TDRD12: variants seen among roughly 807,000 people sequenced by gnomAD.
The protein encoded by TDRD12 is putative ATP-dependent RNA helicase TDRD12.
TDRD12 carries 158 observed loss-of-function variants against 133.5 expected under a neutral mutation model. The ratio of observed to expected loss-of-function variants is 1.18; its 90% CI spans 1.04 to 1.35. The LOEUF is 1.35. TDRD12 is among the 40% of genes most tolerant of loss of function. The pLI, the probability that TDRD12 is intolerant of heterozygous loss-of-function variation, is 0.00. For missense variants in TDRD12, 1,443 were observed against 1,321.3 expected (o/e 1.09, Z -1.43); for synonymous variants, 460 against 477.9 (o/e 0.96, Z 0.49).
intron 21 of TDRD12, among the ~76,000 whole-genome samples, chr19:32,806,143 G>A (rs1971541649): frequency 6.6e-6 from 1 of 152,182 alleles, no homozygotes; most frequent in Non-Finnish European, 1.5e-5. Flanking sequence ...TACCTTGACA[G>A]TCATGGGGCT....
intron 6 of TDRD12, among the ~76,000 whole-genome samples, chr19:32,754,339 T>C (rs1047731799): frequency 6.6e-6 from 1 of 152,014 alleles, no homozygotes; most frequent in Admixed American, 6.6e-5. Flanking sequence ...TGTGATGGCT[T>C]GCACCTGTAG....
In TDRD12 at chr19:32,748,549, C is replaced by G; in HGVS notation, c.496+18C>G. ...TCTGAAAGGTAAGCCAGTGCCTGATCACTGCAGCCTGCCTGGAAGTGACAC... is the reference window on the plus strand; with the variant it reads ...TCTGAAAGGTAAGCCAGTGCCTGATGACTGCAGCCTGCCTGGAAGTGACAC... On this transcript the variant is annotated intron_variant, in intron 5 of 27. Transcript: ENST00000444215. 1 of 1,548,234 alleles carries G rather than the reference C, an allele frequency of 6.5e-7. No individual in the cohort carries two copies. Among genetic ancestry groups the G allele is most frequent in the Non-Finnish European group, 8.7e-7 (1 of 1,145,068 alleles).
At chr19:32,810,575 A>G (rs1435412920) in intron 23 of TDRD12, among the ~76,000 whole-genome samples, 1 of 152,240 alleles carries the variant, frequency 6.6e-6, no homozygotes, top group East Asian at 1.9e-4. Context: ...TTCTACAGAT[A>G]AGAAAACAGC....
At position 32,802,833 on chromosome 19, in the gene TDRD12, C is replaced by G. The variant is rs150865750; in HGVS notation, c.2331+44C>G. ...CTCTTCCATATTCCACTGGCATCTTCTGTGTCATGATAAGCTCAGAGTCCA... is the reference window on the plus strand; with the variant it reads ...CTCTTCCATATTCCACTGGCATCTTGTGTGTCATGATAAGCTCAGAGTCCA... On this transcript the variant is annotated intron_variant, in intron 20 of 27. Transcript: ENST00000444215. 1.5e-4 allele frequency: 232 copies of G among 1,534,828 alleles called. No homozygotes were observed. In the African/African-American group the frequency reaches 3.1e-3, roughly 20 times the overall value.
intron 25 of TDRD12, among the ~76,000 whole-genome samples, chr19:32,815,132 A>G (rs1003278521): frequency 4.6e-5 from 7 of 152,064 alleles, no homozygotes; most frequent in African/African-American, 9.7e-5. Flanking sequence ...TGTACGAATT[A>G]TGCATCTGAC....
At chr19:32,750,158 A>G (rs1002906304) in intron 6 of TDRD12, among the ~76,000 whole-genome samples, 1 of 152,140 alleles carries the variant, frequency 6.6e-6, no homozygotes, top group Admixed American at 6.5e-5. Flanking sequence ...TAAATATACT[A>G]ATTTGCTGTA....
exon 10 of TDRD12, chr19:32,828,125 C>T (rs1967650328): frequency 6.6e-6 from 1 of 152,128 alleles, no homozygotes; most frequent in Admixed American, 6.5e-5. Flanking sequence ...AGTGATAGCT[C>T]CTCAGAGTAA....
intron 8 of TDRD12, among the ~76,000 whole-genome samples, chr19:32,757,433 T>C (rs940026152): frequency 1.3e-5 from 2 of 152,200 alleles, no homozygotes; most frequent in African/African-American, 4.8e-5. Context: ...GTATTTATTA[T>C]TGATTTTTCA....
At chr19:32,808,259 G>T (rs1351461525) in intron 22 of TDRD12, among the ~76,000 whole-genome samples, 2 of 151,960 alleles carry the variant, frequency 1.3e-5, no homozygotes, top group Non-Finnish European at 2.9e-5. Context: ...CCTTTCATCT[G>T]TTTCCCTTAG....
intron 8 of TDRD12, among the ~76,000 whole-genome samples, chr19:32,770,121 C>T (rs1163249829): frequency 1.3e-5 from 2 of 151,958 alleles, no homozygotes; most frequent in Non-Finnish European, 2.9e-5. Context: ...ATTCTCCCAC[C>T]TCAGCCTCCC....
intron 17 of TDRD12, 123 bp downstream of exon 17, chr19:32,800,481 T>C: frequency 1.0e-6 from 1 of 988,220 alleles, no homozygotes; most frequent in Non-Finnish European, 1.4e-6. Context: ...ACAGCTTTGA[T>C]TTCATATATA....
At chr19:32,816,414 T>C (rs775874195) in intron 26 of TDRD12, among the ~76,000 whole-genome samples, 20 of 152,302 alleles carry the variant, frequency 1.3e-4, no homozygotes, top group Non-Finnish European at 2.5e-4. Flanking sequence ...AATTAGACAG[T>C]ATGCCTCCTC....
intron 26 of TDRD12, among the ~76,000 whole-genome samples, chr19:32,816,064 G>A (rs1339664285): frequency 6.6e-6 from 1 of 151,864 alleles, no homozygotes; most frequent in East Asian, 1.9e-4. Context: ...TTGTAATAAT[G>A]ACCAAGATTT....
intron 22 of TDRD12, among the ~76,000 whole-genome samples, chr19:32,809,167 C>T (rs1442202175): frequency 6.6e-6 from 1 of 152,106 alleles, no homozygotes; most frequent in African/African-American, 2.4e-5. Context: ...TTCTGAGATT[C>T]CCTGGCCCTG....
chr19:32,783,747 A>G (rs1970832235), intron 11 of TDRD12, among the ~76,000 whole-genome samples: 1 of 152,092 alleles, frequency 6.6e-6, no homozygotes, highest in East Asian at 1.9e-4. Context: ...GAGTTCACTC[A>G]TGATTGGACT....
intron 12 of TDRD12, 152 bp from the exon 13 acceptor site, chr19:32,790,812 T>G: frequency 6.8e-7 from 1 of 1,465,166 alleles, no homozygotes; most frequent in Non-Finnish European, 9.0e-7. Context: ...TTTGGTAGTT[T>G]GGTGGTTTTT....
chr19:32,776,527 A>G (rs1447120870), intron 10 of TDRD12, among the ~76,000 whole-genome samples: 1 of 152,168 alleles, frequency 6.6e-6, no homozygotes, highest in East Asian at 1.9e-4. Flanking sequence ...TCTCCTGGAG[A>G]TTCTGGCGTC....
intron 11 of TDRD12, among the ~76,000 whole-genome samples, chr19:32,786,442 T>C (rs1267938839): frequency 1.3e-5 from 2 of 152,228 alleles, no homozygotes; most frequent in South Asian, 2.1e-4. Context: ...TAGTGTTCTC[T>C]GTATTTCCTG....
intron 2 of TDRD12, among the ~76,000 whole-genome samples, chr19:32,738,116 A>G (rs983331106): frequency 2.6e-5 from 4 of 152,068 alleles, no homozygotes; most frequent in Non-Finnish European, 5.9e-5. Context: ...CAGCCTGGGC[A>G]ACAAGAGCAA....
Sources: gnomAD v4.1 joint callset for allele counts (sites outside exome capture counted in the v4.1 genomes callset) on GRCh38, gnomAD v4.1.1 for gene constraint, MANE v1.5 for transcripts, NCBI Gene and HGNC (gene_info 2026-07-23, HGNC 2026-07-21) for gene names.